EYA4: variants seen among roughly 807,000 people sequenced by gnomAD.
EYA4 encodes protein phosphatase EYA4.
A neutral mutation model predicts 87.9 loss-of-function variants in EYA4; 31 were observed. That is an observed-to-expected ratio of 0.35 (90% CI 0.27 to 0.48). The LOEUF is 0.48. Among genes scored for constraint, EYA4 ranks in the 20% least tolerant of loss-of-function variants. The pLI, the probability that EYA4 is intolerant of heterozygous loss-of-function variation, is 0.99. For synonymous variants in EYA4, 263 were observed against 270.6 expected, an observed-to-expected ratio of 0.97 and a Z score of 0.28; for missense variants, 678 against 761.4, an observed-to-expected ratio of 0.89 and a Z score of 1.29.
At chr6:133,304,406 C>A (rs528754842) in intron 2 of EYA4, among the ~76,000 whole-genome samples, 1 of 152,178 alleles carries the variant, frequency 6.6e-6, no homozygotes, top group South Asian at 2.1e-4. Flanking sequence ...GCATTCCCAG[C>A]CAAATCCTGA....
chr6:133,429,537 GA>G (rs962123800), intron 3 of EYA4, among the ~76,000 whole-genome samples: 1 of 152,112 alleles, frequency 6.6e-6, no homozygotes, highest in South Asian at 2.1e-4. Flanking sequence ...ACTGTGAGGG[GA>G]AAAGTAGTTA....
In EYA4 at chr6:133,506,149, T is replaced by C. The variant is rs1400210195; in HGVS notation, c.1235T>C (p.Met412Thr). ...ACCCTTGGACTCCGCATGGAAGAAA[T>C]GATTTTTAATCTTGCTGATACTCAT... The part of the protein sequence containing the change: ...AVTLGLRMEE[M>T]IFNLADTHLF... The change falls in exon 14 of 20, where the codon ATG becomes ACG. Residue 412 changes from methionine to threonine, a missense_variant. Coordinates refer to ENST00000355286, the MANE Select transcript of EYA4 (RefSeq NM_004100.5). 3.1e-6 allele frequency: 5 copies of C among 1,612,020 alleles called. No individual in the cohort carries two copies. Among genetic ancestry groups the C allele is most frequent in the Non-Finnish European group, 4.2e-6 (5 of 1,178,142 alleles).
intron 1 of EYA4, among the ~76,000 whole-genome samples, chr6:133,267,591 C>T (rs1776327360): frequency 6.6e-6 from 1 of 152,194 alleles, no homozygotes; most frequent in Non-Finnish European, 1.5e-5. Context: ...CCATGTTGGT[C>T]AGGCTGGTCT....
At chr6:133,478,604 G>C (rs1795945554) in intron 11 of EYA4, among the ~76,000 whole-genome samples, 1 of 152,158 alleles carries the variant, frequency 6.6e-6, no homozygotes, top group African/African-American at 2.4e-5. Flanking sequence ...ATGTACTAAG[G>C]GGTGAATAAA....
chr6:133,361,650 G>A (rs77910661), intron 2 of EYA4, among the ~76,000 whole-genome samples: 6,000 of 152,310 alleles, frequency 0.039, 175 homozygotes, highest in Middle Eastern at 0.12. Flanking sequence ...TAAGTTTCTG[G>A]AAGAGAAAGA....
chr6:133,399,321 T>C (rs1309624022), intron 3 of EYA4, among the ~76,000 whole-genome samples: 1 of 152,190 alleles, frequency 6.6e-6, no homozygotes, highest in East Asian at 1.9e-4. Context: ...AAACTAGTAC[T>C]TCAATGTATT....
intron 2 of EYA4, among the ~76,000 whole-genome samples, chr6:133,368,590 A>C (rs1047819788): frequency 3.3e-5 from 5 of 152,242 alleles, no homozygotes; most frequent in African/African-American, 2.4e-5. Flanking sequence ...CTGCAAAGAC[A>C]TTATTTTTAG....
chr6:133,362,669 G>A (rs1334276941), intron 2 of EYA4, among the ~76,000 whole-genome samples: 1 of 152,214 alleles, frequency 6.6e-6, no homozygotes, highest in Non-Finnish European at 1.5e-5. Context: ...AACTGGAATA[G>A]ATGGTGTCTG....
chr6:133,496,967 T>C (rs191869595), intron 13 of EYA4, among the ~76,000 whole-genome samples: 30 of 152,230 alleles, frequency 2.0e-4, no homozygotes, highest in Admixed American at 1.7e-3. Flanking sequence ...TATCCTGAAA[T>C]TACCATACCT....
At chr6:133,319,757 C>G (rs1267246227) in intron 2 of EYA4, among the ~76,000 whole-genome samples, 1 of 149,866 alleles carries the variant, frequency 6.7e-6, no homozygotes, top group Non-Finnish European at 1.5e-5. Flanking sequence ...CACTCTGTCA[C>G]TCAGGCTGGA....
chr6:133,491,134 A>G (rs1797115380), intron 13 of EYA4, among the ~76,000 whole-genome samples: 1 of 152,158 alleles, frequency 6.6e-6, no homozygotes, highest in African/African-American at 2.4e-5. Flanking sequence ...TTAAGAAGGA[A>G]ATTAAAAATT....
At chr6:133,251,411 A>C (rs1426329282) in intron 1 of EYA4, among the ~76,000 whole-genome samples, 1 of 152,130 alleles carries the variant, frequency 6.6e-6, no homozygotes, top group Admixed American at 6.5e-5. Flanking sequence ...TAGTACCTCT[A>C]CTTACAGAAT....
chr6:133,406,206 A>C (rs1788697103), intron 3 of EYA4, among the ~76,000 whole-genome samples: 1 of 152,230 alleles, frequency 6.6e-6, no homozygotes. Context: ...GGAAAGTAAA[A>C]TCTATTAGAT....
intron 2 of EYA4, among the ~76,000 whole-genome samples, chr6:133,354,411 G>A (rs1289278230): frequency 3.3e-5 from 5 of 152,062 alleles, no homozygotes; most frequent in Non-Finnish European, 5.9e-5. Context: ...TGTCCTATTA[G>A]TAATAATAGA....
At position 133,354,384 on chromosome 6, in the gene EYA4, G is replaced by C. The variant is rs565148266; in HGVS notation, c.34-28008G>C. On this transcript the variant is annotated intron_variant, in intron 2 of 19. Coordinates refer to ENST00000355286, the MANE Select transcript of EYA4 (RefSeq NM_004100.5). ...GCAGTGATGGTGACATTGTTGAAAA[G>C]TCATAGCAATAATAATTGTCCTATT... Among the ~76,000 whole-genome samples the C allele has an allele frequency of 2.6e-5, 4 of 152,178 alleles. No individual in the cohort carries two copies. In the South Asian group the frequency reaches 8.3e-4, roughly 32 times the overall value.
chr6:133,379,039 AT>A (rs767281382), intron 2 of EYA4, among the ~76,000 whole-genome samples: 19 of 150,882 alleles, frequency 1.3e-4, no homozygotes, highest in Non-Finnish European at 2.2e-4. Flanking sequence ...GAAAACTAGG[AT>A]TTGAATTTAA....
At chr6:133,346,354 A>G (rs151139883) in intron 2 of EYA4, among the ~76,000 whole-genome samples, 136 of 152,322 alleles carry the variant, frequency 8.9e-4, no homozygotes, top group Non-Finnish European at 1.7e-3. Flanking sequence ...TAGAATGTAC[A>G]GTTTCACAGG....
chr6:133,303,644 G>A (rs970322555), intron 2 of EYA4, among the ~76,000 whole-genome samples: 2 of 152,096 alleles, frequency 1.3e-5, no homozygotes, highest in South Asian at 2.1e-4. Context: ...AAAATTTTGG[G>A]GGTTCATTTA....
At chr6:133,407,851 A>G (rs912327184) in intron 3 of EYA4, among the ~76,000 whole-genome samples, 2 of 152,192 alleles carry the variant, frequency 1.3e-5, no homozygotes, top group African/African-American at 2.4e-5. Context: ...TCTGTCATGC[A>G]ATTTGAGTCT....
Sources: allele counts gnomAD v4.1 joint callset (sites outside exome capture counted in the v4.1 genomes callset), GRCh38; gene constraint gnomAD v4.1.1; transcripts MANE v1.5; gene names NCBI Gene and HGNC (gene_info 2026-07-23, HGNC 2026-07-21).